ABR: variants seen among roughly 807,000 people sequenced by gnomAD.
ABR encodes active breakpoint cluster region-related protein.
In ABR, 35 loss-of-function variants were observed where a neutral mutation model predicts 107.2. That is an observed-to-expected ratio of 0.33 (90% CI 0.25 to 0.43). The LOEUF is 0.43. Ranked by LOEUF, ABR falls within the 20% of genes least tolerant of loss-of-function variation. ABR has a pLI of 1.00. For synonymous variants in ABR, 498 were observed against 462.0 expected (o/e 1.08, Z -1.00); for missense variants, 815 against 1,115.2 (o/e 0.73, Z 3.83).
intron 1 of ABR, among the ~76,000 whole-genome samples, chr17:1,164,257 G>T (rs1395262045): frequency 6.6e-6 from 1 of 151,426 alleles, no homozygotes; most frequent in Non-Finnish European, 1.5e-5. Flanking sequence ...AGGTAGGACG[G>T]ACCCTGGCAA....
intron 16 of ABR, among the ~76,000 whole-genome samples, chr17:1,044,646 A>C (rs1426080545): frequency 1.0e-5 from 1 of 96,688 alleles, no homozygotes; most frequent in Non-Finnish European, 2.2e-5. Flanking sequence ...GCAAGACCCC[A>C]TCTCAAAAAA....
At chr17:1,217,246 C>G (rs12602997) in intron 1 of ABR, among the ~76,000 whole-genome samples, 4 of 151,992 alleles carry the variant, frequency 2.6e-5, no homozygotes, top group African/African-American at 9.7e-5. Context: ...CCGTCCCCCC[C>G]AAGGCTGCAG....
Position 1,096,908 on chromosome 17 carries a change from C to A in ABR, c.345+3729G>T, listed in dbSNP as rs146090357. 3.0e-3 allele frequency among the ~76,000 whole-genome samples: 434 copies of A among 144,594 alleles called. 1 individual carries two copies. Among genetic ancestry groups the A allele is most frequent in the African/African-American group, 0.01 (390 of 38,570 alleles). The allele number at this position is 144,594 out of a possible 152,430, so 94.9% of individuals were successfully genotyped here. A position where few individuals can be genotyped will look rare whatever the true frequency, so the allele number is the denominator to read the frequency against. On this transcript the variant is annotated intron_variant, in intron 3 of 22. Coordinates refer to ENST00000302538, the MANE Select transcript of ABR (RefSeq NM_021962.5). The stretch of plus-strand genomic sequence containing the variant: ...GGAGACAGCTGGGGAAGGGGGGAAA[C>A]CTGCCCCGGGAGAGAGCTGGGGAAG...
At chr17:1,177,606 TG>T (rs2041960607) in intron 1 of ABR, among the ~76,000 whole-genome samples, 1 of 152,010 alleles carries the variant, frequency 6.6e-6, no homozygotes, top group African/African-American at 2.4e-5. Flanking sequence ...ATGGAAGACT[TG>T]GAAATGATCA....
At chr17:1,017,226 C>T (rs1174940364) in intron 16 of ABR, among the ~76,000 whole-genome samples, 1 of 152,074 alleles carries the variant, frequency 6.6e-6, no homozygotes, top group African/African-American at 2.4e-5. Flanking sequence ...AGCCCCAGCT[C>T]TGGCCTTACT....
chr17:1,199,753 A>G (rs2042637981), intron 1 of ABR, among the ~76,000 whole-genome samples: 2 of 152,096 alleles, frequency 1.3e-5, no homozygotes. Flanking sequence ...GCACCTGGCC[A>G]ATTTTTTAAA....
intron 2 of ABR, among the ~76,000 whole-genome samples, chr17:1,107,396 T>C (rs913127152): frequency 1.3e-5 from 2 of 152,216 alleles, no homozygotes; most frequent in African/African-American, 2.4e-5. Flanking sequence ...TGTTCAGCAA[T>C]GAATATGACA....
chr17:1,178,451 C>T (rs1598062637), intron 1 of ABR, among the ~76,000 whole-genome samples: 5 of 152,050 alleles, frequency 3.3e-5, no homozygotes, highest in South Asian at 4.2e-4. Flanking sequence ...GTAATCCCAG[C>T]TACTCAGGAG....
chr17:1,229,294 C>T (rs1423746576), exon 1 of ABR, among the ~76,000 whole-genome samples: 1 of 151,484 alleles, frequency 6.6e-6, no homozygotes, highest in Non-Finnish European at 1.5e-5. Context: ...CTTCCCCCGC[C>T]GGCTTCTCCG....
rs971352255 is a variant in ABR at position 1,079,197 on chromosome 17, TCA to T, written c.700+131_700+132del. The T allele has an allele frequency of 2.3e-4, 337 of 1,484,362 alleles. No homozygotes were observed. In the African/African-American group the frequency reaches 4.0e-3, roughly 18 times the overall value. The allele number at this position is 1,484,362 out of a possible 1,614,324, so 91.9% of individuals were successfully genotyped here. On this transcript the variant is annotated intron_variant, in intron 6 of 22. Coordinates refer to ENST00000302538, the MANE Select transcript of ABR (RefSeq NM_021962.5). ...GCACTCAGCTCACACTCACACGCGC[TCA>T]CACACGCTCACGCTCACACGCGCTC...
rs916107870 is a variant in ABR at position 1,073,789 on chromosome 17, C to T, written c.701-112G>A. ...GCATGCTTCCCACGTGAACACCCCT[C>T]GAGGGACACCAGAGTGAGCCCACGG... On this transcript the variant is annotated intron_variant, in intron 6 of 22. Coordinates refer to ENST00000302538, the MANE Select transcript of ABR (RefSeq NM_021962.5). 16 of 944,270 alleles carry T rather than the reference C, an allele frequency of 1.7e-5. No individual in the cohort carries two copies. In the Admixed American group the frequency reaches 1.8e-4, roughly 11 times the overall value. 58.5% of individuals were successfully genotyped at this position (944,270 alleles called of 1,614,324 possible).
intron 1 of ABR, among the ~76,000 whole-genome samples, chr17:1,141,401 C>A (rs1345169795): frequency 6.6e-6 from 1 of 152,160 alleles, no homozygotes; most frequent in Non-Finnish European, 1.5e-5. Flanking sequence ...GGAATGTGAC[C>A]TTAGCCATGT....
chr17:1,049,014 C>T (rs1045522307), intron 16 of ABR, among the ~76,000 whole-genome samples: 4 of 152,168 alleles, frequency 2.6e-5, no homozygotes, highest in Non-Finnish European at 5.9e-5. Flanking sequence ...CACCACGTCA[C>T]GCCTTTTCCC....
At chr17:1,146,496 C>G (rs1278602539) in intron 1 of ABR, among the ~76,000 whole-genome samples, 1 of 152,164 alleles carries the variant, frequency 6.6e-6, no homozygotes, top group African/African-American at 2.4e-5. Flanking sequence ...GTAAACAGCT[C>G]AGCACAGTGC....
chr17:1,056,332 G>A (rs998221034), intron 13 of ABR, among the ~76,000 whole-genome samples: 2 of 152,050 alleles, frequency 1.3e-5, no homozygotes, highest in South Asian at 4.1e-4. Context: ...CTCAGCCTGG[G>A]GGGGTCCAGC....
chr17:1,098,579 T>C (rs544560127), intron 3 of ABR, among the ~76,000 whole-genome samples: 3 of 152,296 alleles, frequency 2.0e-5, no homozygotes, highest in South Asian at 4.1e-4. Context: ...ACTGTACTGA[T>C]TTCACAACCC....
At chr17:1,158,674 A>G (rs2041138112) in intron 1 of ABR, among the ~76,000 whole-genome samples, 1 of 151,630 alleles carries the variant, frequency 6.6e-6, no homozygotes, top group African/African-American at 2.4e-5. Flanking sequence ...GAGGTAGGAG[A>G]ATTGCTTGAA....
At chr17:1,193,464 G>A (rs2042480674) in intron 1 of ABR, among the ~76,000 whole-genome samples, 1 of 152,060 alleles carries the variant, frequency 6.6e-6, no homozygotes. Flanking sequence ...CTTTACAGAA[G>A]AGGCTCAAGT....
chr17:1,099,949 A>G (rs2037750838), intron 3 of ABR, among the ~76,000 whole-genome samples: 1 of 152,066 alleles, frequency 6.6e-6, no homozygotes, highest in African/African-American at 2.4e-5. Context: ...CCAACATGAT[A>G]AAATCCTGTC....
Sources: allele counts gnomAD v4.1 joint callset (sites outside exome capture counted in the v4.1 genomes callset), GRCh38; gene constraint gnomAD v4.1.1; transcripts MANE v1.5; gene names NCBI Gene and HGNC (gene_info 2026-07-23, HGNC 2026-07-21).